VARS2: variants seen among roughly 807,000 people sequenced by gnomAD.
The protein encoded by VARS2 is valine--tRNA ligase, mitochondrial.
In VARS2, 105 loss-of-function variants were observed where a neutral mutation model predicts 154.1. The observed-to-expected ratio is 0.68, with a 90% CI of 0.58 to 0.80. The LOEUF is 0.80. Among genes scored for constraint, VARS2 ranks in the 30% least tolerant of loss-of-function variants. VARS2 has a pLI of 0.00. For synonymous variants in VARS2, 483 were observed against 539.5 expected, an observed-to-expected ratio of 0.90 and a Z score of 1.45; for missense variants, 1,157 against 1,361.4, an observed-to-expected ratio of 0.85 and a Z score of 2.36.
Position 30,925,220 on chromosome 6 carries a change from G to A in VARS2, c.2674-54G>A, listed in dbSNP as rs375879335. The A allele has an allele frequency of 1.6e-4, 221 of 1,389,852 alleles. No homozygotes were observed. In the African/African-American group the frequency reaches 2.6e-3, roughly 17 times the overall value. The allele number at this position is 1,389,852 out of a possible 1,614,324, so 86.1% of individuals were successfully genotyped here. On this transcript the variant is annotated intron_variant, in intron 26 of 29. Transcript: ENST00000676266. ...GTCGAGAAGAGAGCCAGCAGGGTTG[G>A]TACTGAGTCTCCCAGGAGCCCCTTT...
At chr6:30,923,018 G>C in intron 23 of VARS2, 42 bp downstream of exon 23, 1 of 1,603,748 alleles carries the variant, frequency 6.2e-7, no homozygotes, top group Non-Finnish European at 8.5e-7. Flanking sequence ...AGAGGGCAGC[G>C]GGCACCTGTG....
rs139464599 is a variant in VARS2 at position 30,921,959 on chromosome 6, C to T, written c.1770C>T (p.Ala590=). The T allele has an allele frequency of 1.2e-6, 2 of 1,612,972 alleles. No homozygotes were observed. ...TCCTAGACACATGGTTTTCTTCTGC[C>T]CTGTTCCCCTTTTCTGCCCTGGGCT... ...PDVLDTWFSS[A]LFPFSALGWP... Residue 590 remains alanine, a synonymous_variant, in exon 19 of 30, where the codon GCC becomes GCT. Transcript: ENST00000676266. The surrounding 1 kb of genome is among the most constrained non-coding windows in gnomAD (Gnocchi z 4.6).
Position 30,916,112 on chromosome 6 carries a change from GCA to G in VARS2, c.574-39_574-38del. On this transcript the variant is annotated intron_variant, in intron 6 of 29. Transcript: ENST00000676266. The surrounding 1 kb of genome is among the most constrained non-coding windows in gnomAD (Gnocchi z 4.0). The stretch of plus-strand genomic sequence containing the variant: ...CAATTTCTTCCCCCAAAGCAACCAA[GCA>G]ACCTGACTCTGTTCATTTGCCCTGA... The G allele has an allele frequency of 7.4e-7, 1 of 1,346,462 alleles. No individual in the cohort carries two copies. Among genetic ancestry groups the G allele is most frequent in the South Asian group, 1.6e-5 (1 of 63,778 alleles). 83.4% of individuals were successfully genotyped at this position (1,346,462 alleles called of 1,614,324 possible). A position where few individuals can be genotyped will look rare whatever the true frequency, so the allele number is the denominator to read the frequency against.
At position 30,917,622 on chromosome 6, in the gene VARS2, G is replaced by A. The variant is rs1002261656; in HGVS notation, c.874-73G>A. On this transcript the variant is annotated intron_variant, in intron 9 of 29. Coordinates refer to ENST00000676266, the MANE Select transcript of VARS2 (RefSeq NM_020442.6). This position sits in a 1 kb window ranked among gnomAD's most constrained non-coding sequence, Gnocchi z 4.4. ...GCAGGGAGGCTGGGCAGATGGATGA[G>A]TGGCAGAGTGAAGCCTGGGCATGAG... 4.4e-6 allele frequency: 6 copies of A among 1,376,436 alleles called. No homozygotes were observed. In the African/African-American group the frequency reaches 7.4e-5, roughly 17 times the overall value. The allele number at this position is 1,376,436 out of a possible 1,614,324, so 85.3% of individuals were successfully genotyped here.
Position 30,916,226 on chromosome 6 carries a change from G to A in VARS2, c.648G>A (p.Arg216=). 1 of 1,613,454 alleles carries A rather than the reference G, an allele frequency of 6.2e-7. No individual in the cohort carries two copies. Among genetic ancestry groups the A allele is most frequent in the Non-Finnish European group, 8.5e-7 (1 of 1,179,582 alleles). The change falls in exon 7 of 30, where the codon AGG becomes AGA. Residue 216 remains arginine, a synonymous_variant. Coordinates refer to ENST00000676266, the MANE Select transcript of VARS2 (RefSeq NM_020442.6). This position sits in a 1 kb window ranked among gnomAD's most constrained non-coding sequence, Gnocchi z 4.0. ...RHELSREAFL[R]EVWQWKEAKG... Reference sequence around the variant, plus strand: ...AGCTGAGCCGGGAGGCCTTCCTTAGGGAGGTGTGGCAGTGGAAGGAGGCGT... The same window carrying A: ...AGCTGAGCCGGGAGGCCTTCCTTAGAGAGGTGTGGCAGTGGAAGGAGGCGT...
Position 30,924,562 on chromosome 6 carries a change from T to A in VARS2, c.2673+2T>A. 6.6e-7 allele frequency: 1 copy of A among 1,520,438 alleles called. No homozygotes were observed. The allele number at this position is 1,520,438 out of a possible 1,614,324, so 94.2% of individuals were successfully genotyped here. On this transcript the variant is annotated splice_donor_variant, in intron 26 of 29. Transcript: ENST00000676266. LOFTEE classifies it high-confidence loss of function. ...CCCTACCCCAGCGCCTGCAGCTTGG[T>A]GAGTCCCAAGCACCTTGGAGTGGGT... is the stretch of plus-strand genomic sequence containing the variant.
At chr6:30,922,029 A>G in intron 19 of VARS2, 34 bp downstream of exon 19, 1 of 1,612,684 alleles carries the variant, frequency 6.2e-7, no homozygotes, top group Non-Finnish European at 8.5e-7. Flanking sequence ...AGTGAAGGGG[A>G]AACGATAAGG....
Position 30,921,103 on chromosome 6 carries a change from C to T in VARS2, c.1518C>T (p.Phe506=), listed in dbSNP as rs371467248. 1.2e-6 allele frequency: 2 copies of T among 1,613,926 alleles called. No homozygotes were observed. The highest frequency in any genetic ancestry group is 2.2e-5 in the East Asian group (1 of 44,878). Residue 506 remains phenylalanine (F), a synonymous_variant, in exon 16 of 30, where the codon TTC becomes TTT. Transcript: ENST00000676266. This position sits in a 1 kb window ranked among gnomAD's most constrained non-coding sequence, Gnocchi z 4.6. ...GGGCCCTGGAGCTCAGTCCCTCCTT[C>T]CACCAGAAGAACTGGCAGCACTGGT... The part of the protein sequence containing the change: ...ESGALELSPS[F]HQKNWQHWFS...
chr6:30,922,267 C>G, intron 20 of VARS2, 26 bp downstream of exon 20: 1 of 1,603,676 alleles, frequency 6.2e-7, no homozygotes, highest in Non-Finnish European at 8.5e-7. Flanking sequence ...TGCCCTGCCG[C>G]TTTCTGTGAC....
In VARS2 at chr6:30,916,292, T is replaced by G. The variant is rs779990556; in HGVS notation, c.671+43T>G. On this transcript the variant is annotated intron_variant, in intron 7 of 29. Coordinates refer to ENST00000676266, the MANE Select transcript of VARS2 (RefSeq NM_020442.6). This position sits in a 1 kb window ranked among gnomAD's most constrained non-coding sequence, Gnocchi z 4.0. The stretch of plus-strand genomic sequence containing the variant: ...GACTCGGGGGGCCCAGATGGCAGAT[T>G]TGGTTTCTTGCCTCCCACCACTATC... The G allele has an allele frequency of 4.6e-6, 7 of 1,535,846 alleles. No homozygotes were observed. The highest frequency in any genetic ancestry group is 3.9e-4 in the Middle Eastern group (2 of 5,106).
intron 28 of VARS2, 54 bp downstream of exon 28, chr6:30,925,773 G>A: frequency 6.2e-7 from 1 of 1,610,518 alleles, no homozygotes; most frequent in South Asian, 1.1e-5. Flanking sequence ...ATGCTGGGAG[G>A]AAGGGAGGGG....
At position 30,916,314 on chromosome 6, in the gene VARS2, T is replaced by C; in HGVS notation, c.671+65T>C. On this transcript the variant is annotated intron_variant, in intron 7 of 29. Coordinates refer to ENST00000676266, the MANE Select transcript of VARS2 (RefSeq NM_020442.6). This position sits in a 1 kb window ranked among gnomAD's most constrained non-coding sequence, Gnocchi z 4.0. ...GATTTGGTTTCTTGCCTCCCACCAC[T>C]ATCACTCCTGACTTGTAATCCTTGG... 7.4e-7 allele frequency: 1 copy of C among 1,351,072 alleles called. No homozygotes were observed. The highest frequency in any genetic ancestry group is 1.0e-6 in the Non-Finnish European group (1 of 976,660). The allele number at this position is 1,351,072 out of a possible 1,614,324, so 83.7% of individuals were successfully genotyped here. A position where few individuals can be genotyped will look rare whatever the true frequency, so the allele number is the denominator to read the frequency against.
chr6:30,923,382 G>C lies in VARS2; in HGVS notation c.2343G>C (p.Trp781Cys). ...ELSPSSPMDAWILSRLALAAQ... is the reference protein window; with the variant it reads ...ELSPSSPMDACILSRLALAAQ... Reference sequence around the variant, plus strand: ...CTCCCTCCTCCCCGATGGATGCCTGGATCCTGAGCCGCCTTGCCCTGGCTG... The same window carrying C: ...CTCCCTCCTCCCCGATGGATGCCTGCATCCTGAGCCGCCTTGCCCTGGCTG... The change falls in exon 25 of 30, where the codon TGG (tryptophan) becomes TGC (cysteine). Residue 781 changes from tryptophan (W) to cysteine (C), a missense_variant. Transcript: ENST00000676266. The C allele has an allele frequency of 6.2e-7, 1 of 1,611,798 alleles. No individual in the cohort carries two copies. The highest frequency in any genetic ancestry group is 8.5e-7 in the Non-Finnish European group (1 of 1,179,586).
Position 30,922,148 on chromosome 6 carries a change from A to G in VARS2, c.1839A>G (p.Ser613=). The stretch of plus-strand genomic sequence containing the variant: ...ACCTTGCTCGTTTCTACCCCCTGTC[A>G]CTTTTGGAAACGGGCAGCGACCTTC... The part of the protein sequence containing the change: ...TPDLARFYPL[S]LLETGSDLLL... The change falls in exon 20 of 30, where the codon TCA becomes TCG. Residue 613 remains serine, a synonymous_variant. Transcript: ENST00000676266. 3 of 1,610,696 alleles carry G rather than the reference A, an allele frequency of 1.9e-6. No individual in the cohort carries two copies. Among genetic ancestry groups the G allele is most frequent in the Non-Finnish European group, 2.5e-6 (3 of 1,179,408 alleles).
In VARS2 at chr6:30,925,474, G is replaced by A. The variant is rs2252856; in HGVS notation, c.2786-70G>A. ...CAGAGCCTGAAGGGCCAACCCCCCCGTTAGGAGGTGCAGGGTAGGAAGGGA... is the reference window on the plus strand; with the variant it reads ...CAGAGCCTGAAGGGCCAACCCCCCCATTAGGAGGTGCAGGGTAGGAAGGGA... On this transcript the variant is annotated intron_variant, in intron 27 of 29. Transcript: ENST00000676266. 519,582 of 1,557,316 alleles carry A rather than the reference G, an allele frequency of 0.33. 90,174 individuals are homozygous for A. The highest frequency in any genetic ancestry group is 0.36 in the Non-Finnish European group (412,486 of 1,153,158).
At position 30,919,213 on chromosome 6, in the gene VARS2, G is replaced by A. The variant is rs1482386912; in HGVS notation, c.1074+298G>A. ...GGCTCACTGCAACCTCCACCTCCTG[G>A]GTTCAAGCAATTCTCCTGCCTCAGC... On this transcript the variant is annotated intron_variant, in intron 11 of 29. Transcript: ENST00000676266. The surrounding 1 kb of genome is among the most constrained non-coding windows in gnomAD (Gnocchi z 4.5). The A allele has an allele frequency of 1.1e-5, 3 of 284,084 alleles. No individual in the cohort carries two copies. The highest frequency in any genetic ancestry group is 2.2e-5 in the African/African-American group (1 of 46,380). 17.6% of individuals were successfully genotyped at this position (284,084 alleles called of 1,614,324 possible). A position where few individuals can be genotyped will look rare whatever the true frequency, so the allele number is the denominator to read the frequency against.
At position 30,922,471 on chromosome 6, in the gene VARS2, C is replaced by T. The variant is rs148448090; in HGVS notation, c.1954C>T (p.Arg652Trp). ...CCAGGTGCTTCTTCATCCCATGGTT[C>T]GGGACAGGCAGGGCCGGAAGATGAG... ...FSKVLLHPMV[R>W]DRQGRKMSKS... Residue 652 changes from arginine (R) to tryptophan (W), a missense_variant, in exon 21 of 30, where the codon CGG (arginine) becomes TGG (tryptophan). By Grantham distance (101) the Arg-to-Trp change is moderately radical. Transcript: ENST00000676266. 465 of 1,602,860 alleles carry T rather than the reference C, an allele frequency of 2.9e-4. No individual in the cohort carries two copies. The highest frequency in any genetic ancestry group is 3.7e-4 in the Non-Finnish European group (435 of 1,175,548).
intron 25 of VARS2, 180 bp from the exon 26 acceptor site, chr6:30,924,174 G>C (rs1794701437): frequency 1.6e-6 from 1 of 623,628 alleles, no homozygotes; most frequent in South Asian, 1.9e-5. Flanking sequence ...TGCTGTCCTG[G>C]AGTCCCCTTC....
chr6:30,916,262 G>T lies in VARS2; in HGVS notation c.671+13G>T. ...AGTGGAAGGAGGCGTGAGTATGATG[G>T]GCAGGACTCGGGGGGCCCAGATGGC... On this transcript the variant is annotated intron_variant, in intron 7 of 29. Coordinates refer to ENST00000676266, the MANE Select transcript of VARS2 (RefSeq NM_020442.6). The surrounding 1 kb of genome is among the most constrained non-coding windows in gnomAD (Gnocchi z 4.0). The T allele has an allele frequency of 6.2e-7, 1 of 1,605,414 alleles. No homozygotes were observed. The highest frequency in any genetic ancestry group is 2.2e-5 in the East Asian group (1 of 44,708).
Sources: allele counts gnomAD v4.1 joint callset, GRCh38; gene constraint gnomAD v4.1.1; non-coding constraint Gnocchi (gnomAD v3.1); transcripts MANE v1.5; gene names NCBI Gene and HGNC (gene_info 2026-07-23, HGNC 2026-07-21).